The following HECW2 variants were observed in gnomAD, a reference collection of about 807,000 sequenced individuals.
HECW2 encodes E3 ubiquitin-protein ligase HECW2.
In HECW2, 61 loss-of-function variants were observed where a neutral mutation model predicts 175.2. That is an observed-to-expected ratio of 0.35 (90% CI 0.28 to 0.43). The LOEUF (loss-of-function observed/expected upper bound fraction) is 0.43, where lower values mean the gene tolerates loss of function less well. Ranked by LOEUF, HECW2 falls within the 20% of genes least tolerant of loss-of-function variation. HECW2 has a pLI of 1.00. For missense variants in HECW2, 1,524 were observed against 2,000.5 expected, an observed-to-expected ratio of 0.76 and a Z score of 4.54; for synonymous variants, 671 against 731.0, an observed-to-expected ratio of 0.92 and a Z score of 1.32.
chr2:196,207,397 T>C (rs1386043952), intron 28 of HECW2, among the ~76,000 whole-genome samples: 2 of 152,236 alleles, frequency 1.3e-5, no homozygotes, highest in African/African-American at 4.8e-5. Context: ...TAAAACTTGT[T>C]AGAATTTTTA....
chr2:196,418,311 G>A (rs1420652891), intron 2 of HECW2, among the ~76,000 whole-genome samples: 1 of 152,092 alleles, frequency 6.6e-6, no homozygotes, highest in East Asian at 1.9e-4. Flanking sequence ...TGTATTTTTA[G>A]AAGAGACGGG....
At chr2:196,453,527 G>C (rs1000235194) in intron 1 of HECW2, among the ~76,000 whole-genome samples, 23 of 152,096 alleles carry the variant, frequency 1.5e-4, no homozygotes, top group Admixed American at 1.4e-3. Context: ...GATCCATACA[G>C]AGCATCTCAG....
chr2:196,531,792 G>C (rs536701448), intron 1 of HECW2, among the ~76,000 whole-genome samples: 71 of 152,128 alleles, frequency 4.7e-4, no homozygotes, highest in African/African-American at 1.7e-3. Flanking sequence ...TAACTTCTTA[G>C]CCTCTGGATC....
chr2:196,417,854 T>C (rs1695295420), intron 2 of HECW2, among the ~76,000 whole-genome samples: 1 of 152,196 alleles, frequency 6.6e-6, no homozygotes, highest in Non-Finnish European at 1.5e-5. Flanking sequence ...TTCTTAAAGC[T>C]TTCCTTTTCA....
At chr2:196,388,069 T>C (rs936938426) in intron 2 of HECW2, among the ~76,000 whole-genome samples, 3 of 152,078 alleles carry the variant, frequency 2.0e-5, no homozygotes, top group African/African-American at 7.2e-5. Flanking sequence ...TGTGGGAGGA[T>C]TGCTTGAGCC....
intron 17 of HECW2, chr2:196,263,854 G>A (rs1689406513): frequency 6.6e-6 from 1 of 152,180 alleles, no homozygotes; most frequent in Non-Finnish European, 1.5e-5. Context: ...GAATGCAAAT[G>A]AAATACTTAG....
chr2:196,289,706 C>T (rs185916736), intron 14 of HECW2: 1 of 152,250 alleles, frequency 6.6e-6, no homozygotes, highest in Non-Finnish European at 1.5e-5. Context: ...GATCCTGTCT[C>T]TTAAAATAAA....
At chr2:196,424,258 A>G (rs1362491639) in intron 2 of HECW2, among the ~76,000 whole-genome samples, 2 of 152,034 alleles carry the variant, frequency 1.3e-5, no homozygotes, top group African/African-American at 2.4e-5. Flanking sequence ...CACTGACCCA[A>G]CGATCCTCTT....
At position 196,249,175 on chromosome 2, in the gene HECW2, T is replaced by C. The variant is rs568867179; in HGVS notation, c.3529+4745A>G. On this transcript the variant is annotated intron_variant, in intron 19 of 28. Coordinates refer to ENST00000644978, the MANE Select transcript of HECW2 (RefSeq NM_001348768.2). Reference sequence around the variant, plus strand: ...ACATCTCCAATAATATCAGATAAATTAGGTGTTATTGCATTTAATTTCCTA... The same window carrying C: ...ACATCTCCAATAATATCAGATAAATCAGGTGTTATTGCATTTAATTTCCTA... Among the ~76,000 whole-genome samples, 5 of 152,320 alleles carry C rather than the reference T, an allele frequency of 3.3e-5. 1 individual carries two copies. In the South Asian group the frequency reaches 1.0e-3, roughly 32 times the overall value.
chr2:196,577,143 A>G (rs1690590872), intron 1 of HECW2, among the ~76,000 whole-genome samples: 1 of 152,208 alleles, frequency 6.6e-6, no homozygotes, highest in African/African-American at 2.4e-5. Context: ...AGTATTTACA[A>G]GGTGGATATG....
chr2:196,566,699 A>ATTTTTTTTTTTTTT (rs58391487), intron 1 of HECW2, among the ~76,000 whole-genome samples: 5 of 94,208 alleles, frequency 5.3e-5, no homozygotes, highest in Non-Finnish European at 8.0e-5. Context: ...CACCCAGCTA[A>ATTTTTTTTTTTTTT]TTTTTTTTTT....
intron 1 of HECW2, among the ~76,000 whole-genome samples, chr2:196,472,481 CAAA>C (rs538116476): frequency 2.1e-3 from 152 of 71,378 alleles, no homozygotes; most frequent in Non-Finnish European, 3.0e-3. Context: ...GAGACTCCGT[CAAA>C]AAAAAAAAAA....
intron 23 of HECW2, among the ~76,000 whole-genome samples, chr2:196,223,301 T>C (rs528006880): frequency 6.6e-6 from 1 of 152,090 alleles, no homozygotes; most frequent in Non-Finnish European, 1.5e-5. Context: ...AAAGATAAGG[T>C]AGGGATAGGG....
intron 1 of HECW2, among the ~76,000 whole-genome samples, chr2:196,476,429 C>T (rs890087697): frequency 1.4e-5 from 2 of 145,112 alleles, no homozygotes; most frequent in Non-Finnish European, 3.0e-5. Flanking sequence ...GATGACAAAG[C>T]GAGACTCCAT....
chr2:196,417,692 G>T (rs770569266), intron 2 of HECW2, among the ~76,000 whole-genome samples: 4 of 152,206 alleles, frequency 2.6e-5, no homozygotes, highest in African/African-American at 9.7e-5. Flanking sequence ...CAAATCAGCA[G>T]TTACATCGAG....
At position 196,390,709 on chromosome 2, in the gene HECW2, C is replaced by A. The variant is rs774286958; in HGVS notation, c.292+42423G>T. Among the ~76,000 whole-genome samples the A allele has an allele frequency of 2.3e-4, 35 of 152,106 alleles. 1 individual carries two copies. The highest frequency in any genetic ancestry group is 4.6e-4 in the Non-Finnish European group (31 of 68,016). ...GTTTCATACTTGATGCCTGTTGGGT[C>A]CAAGGCATTCATGGATCTAGACACA... On this transcript the variant is annotated intron_variant, in intron 2 of 28. Coordinates refer to ENST00000644978, the MANE Select transcript of HECW2 (RefSeq NM_001348768.2).
At chr2:196,286,775 T>C (rs1690407400) in intron 14 of HECW2, among the ~76,000 whole-genome samples, 1 of 152,234 alleles carries the variant, frequency 6.6e-6, no homozygotes, top group Admixed American at 6.5e-5. Flanking sequence ...ATCAGTTGTT[T>C]CTAAGCAATT....
chr2:196,325,742 A>C (rs928485722), intron 5 of HECW2, among the ~76,000 whole-genome samples: 1 of 152,242 alleles, frequency 6.6e-6, no homozygotes, highest in Non-Finnish European at 1.5e-5. Flanking sequence ...AATGTGATGA[A>C]TGTTAGGGGA....
chr2:196,465,357 T>C (rs1696910022), intron 1 of HECW2, among the ~76,000 whole-genome samples: 1 of 152,178 alleles, frequency 6.6e-6, no homozygotes, highest in African/African-American at 2.4e-5. Context: ...GCTTTAACTT[T>C]CTTATCTAGA....
Sources: allele counts gnomAD v4.1 joint callset (sites outside exome capture counted in the v4.1 genomes callset), GRCh38; gene constraint gnomAD v4.1.1; transcripts MANE v1.5; gene names NCBI Gene and HGNC (gene_info 2026-07-23, HGNC 2026-07-21).